The following HMGN3 variants were observed in gnomAD, a reference collection of about 807,000 sequenced individuals.
HMGN3 encodes high mobility group nucleosome-binding domain-containing protein 3.
HMGN3 carries 6 observed loss-of-function variants against 18.8 expected under a neutral mutation model. The observed-to-expected ratio is 0.32, with a 90% CI of 0.18 to 0.63. HMGN3 has a LOEUF of 0.63. HMGN3 is among the 30% of genes least tolerant of loss of function. The pLI, the probability that HMGN3 is intolerant of heterozygous loss-of-function variation, is 0.79. For synonymous variants in HMGN3, 40 were observed against 36.5 expected (o/e 1.10, Z -0.35); for missense variants, 107 against 114.2 (o/e 0.94, Z 0.29).
chr6:79,225,985 G>C (rs988512641), intron 1 of HMGN3, among the ~76,000 whole-genome samples: 1 of 152,152 alleles, frequency 6.6e-6, no homozygotes, highest in Admixed American at 6.5e-5. Flanking sequence ...TCATGTTTAC[G>C]TAACTCTTGA....
rs536779643 is a variant in HMGN3, at chr6:79,206,605, G to A, written c.96+1942C>T. 7.5e-4 allele frequency among the ~76,000 whole-genome samples: 114 copies of A among 152,386 alleles called. 2 individuals are homozygous for A. In the South Asian group the frequency reaches 0.012, roughly 16 times the overall value. Reference sequence around the variant, plus strand: ...AGGCAGACGTTGTTGCAGAGGCAGGGTCCTCATGGATAACCTCTGCTAGGG... The same window carrying A: ...AGGCAGACGTTGTTGCAGAGGCAGGATCCTCATGGATAACCTCTGCTAGGG... On this transcript the variant is annotated intron_variant, in intron 3 of 5. Coordinates refer to ENST00000344726, the Ensembl canonical transcript of HMGN3.
At chr6:79,221,314 G>C (rs9361502) in intron 1 of HMGN3, among the ~76,000 whole-genome samples, 1 of 152,112 alleles carries the variant, frequency 6.6e-6, no homozygotes, top group African/African-American at 2.4e-5. Context: ...TGTGGGAGTC[G>C]AGATGGGCAG....
intron 2 of HMGN3, among the ~76,000 whole-genome samples, chr6:79,209,586 T>C (rs560938832): frequency 6.6e-6 from 1 of 152,330 alleles, no homozygotes; most frequent in African/African-American, 2.4e-5. Context: ...CTCACTGCCT[T>C]ATGCAGACTT....
intron 1 of HMGN3, among the ~76,000 whole-genome samples, chr6:79,222,889 G>A (rs1013315860): frequency 1.3e-5 from 2 of 152,058 alleles, no homozygotes; most frequent in Non-Finnish European, 1.5e-5. Flanking sequence ...AATTAAGAAC[G>A]CTTCTTTAGA....
At chr6:79,234,400 C>T in intron 1 of HMGN3, 146 bp downstream of exon 1, 2 of 711,676 alleles carry the variant, frequency 2.8e-6, no homozygotes, top group African/African-American at 1.7e-5. Context: ...ACGTCTGCAA[C>T]AGGCATCTAA....
intron 3 of HMGN3, among the ~76,000 whole-genome samples, chr6:79,206,392 G>C (rs1023695732): frequency 2.6e-5 from 4 of 152,148 alleles, no homozygotes; most frequent in Non-Finnish European, 4.4e-5. Context: ...TTGGTGCCCT[G>C]TCTCCCAGCC....
intron 1 of HMGN3, among the ~76,000 whole-genome samples, chr6:79,220,509 C>T (rs907506794): frequency 9.2e-5 from 14 of 152,166 alleles, no homozygotes; most frequent in East Asian, 1.9e-4. Context: ...TGCAATGGCG[C>T]GATCTCGGCT....
chr6:79,217,253 A>C (rs1036591776), intron 1 of HMGN3, among the ~76,000 whole-genome samples: 32 of 152,228 alleles, frequency 2.1e-4, no homozygotes, highest in African/African-American at 7.7e-4. Context: ...ATACACCTGC[A>C]GTCAGGAACA....
chr6:79,230,417 T>C (rs1349916011), intron 1 of HMGN3, among the ~76,000 whole-genome samples: 5 of 152,208 alleles, frequency 3.3e-5, no homozygotes, highest in Admixed American at 6.5e-5. Flanking sequence ...AATGGATGAA[T>C]GGACTTTATA....
At chr6:79,212,881 A>G (rs565177915) in intron 2 of HMGN3, among the ~76,000 whole-genome samples, 20 of 152,218 alleles carry the variant, frequency 1.3e-4, no homozygotes, top group Non-Finnish European at 2.9e-4. Flanking sequence ...CGAAACCATC[A>G]GCAAACTAAC....
chr6:79,229,074 C>T (rs533289528), intron 1 of HMGN3, among the ~76,000 whole-genome samples: 3 of 152,232 alleles, frequency 2.0e-5, no homozygotes, highest in Admixed American at 2.0e-4. Flanking sequence ...TACCTCATAC[C>T]ACACACAAAA....
At chr6:79,208,507 C>T (rs771093703) in intron 3 of HMGN3, 40 bp downstream of exon 3, 2 of 1,509,376 alleles carry the variant, frequency 1.3e-6, no homozygotes. Context: ...GGAACATGTA[C>T]TCATAAGAAC....
intron 3 of HMGN3, among the ~76,000 whole-genome samples, chr6:79,204,133 G>A (rs917157098): frequency 6.6e-6 from 1 of 152,126 alleles, no homozygotes; most frequent in African/African-American, 2.4e-5. Context: ...TGTAGATTTC[G>A]AGTTCTGTTG....
At chr6:79,234,497 T>G in intron 1 of HMGN3, 49 bp downstream of exon 1, 1 of 1,592,150 alleles carries the variant, frequency 6.3e-7, no homozygotes, top group Non-Finnish European at 8.6e-7. Flanking sequence ...CAGCATTTAC[T>G]GTAAGCAGAA....
At chr6:79,229,414 T>C (rs1375185798) in intron 1 of HMGN3, among the ~76,000 whole-genome samples, 1 of 152,206 alleles carries the variant, frequency 6.6e-6, no homozygotes, top group Non-Finnish European at 1.5e-5. Flanking sequence ...ATACACATTA[T>C]GCTAGTAAAC....
At chr6:79,232,134 A>G (rs987985681) in intron 1 of HMGN3, among the ~76,000 whole-genome samples, 9 of 152,236 alleles carry the variant, frequency 5.9e-5, no homozygotes, top group African/African-American at 2.2e-4. Flanking sequence ...ACAATTCTTT[A>G]GTCAAGAAAA....
intron 5 of HMGN3, chr6:79,202,105 T>TG (rs966876235): frequency 1.9e-6 from 3 of 1,540,816 alleles, no homozygotes; most frequent in Non-Finnish European, 2.6e-6. Flanking sequence ...GTGTGCTGGG[T>TG]GGGGTGCCTC....
At chr6:79,222,013 T>A (rs1340917234) in intron 1 of HMGN3, among the ~76,000 whole-genome samples, 1 of 152,134 alleles carries the variant, frequency 6.6e-6, no homozygotes, top group East Asian at 1.9e-4. Flanking sequence ...TGACAAAGGC[T>A]ATTGTTTTAC....
chr6:79,217,736 G>T (rs138891479), intron 1 of HMGN3, among the ~76,000 whole-genome samples: 1 of 152,162 alleles, frequency 6.6e-6, no homozygotes, highest in African/African-American at 2.4e-5. Flanking sequence ...GCCACAGGCC[G>T]GAGACAGGAA....
Sources: gnomAD v4.1 joint callset for allele counts (sites outside exome capture counted in the v4.1 genomes callset) on GRCh38, gnomAD v4.1.1 for gene constraint, MANE v1.5 for transcripts, NCBI Gene and HGNC (gene_info 2026-07-23, HGNC 2026-07-21) for gene names.